Variants in MEIG1 observed in about 807,000 individuals in gnomAD.
MEIG1 encodes meiosis/spermiogenesis associated 1.
Under a neutral mutation model 11.3 loss-of-function variants are expected in MEIG1, and 12 were observed. That is an observed-to-expected ratio of 1.07 (90% CI 0.68 to 1.73). The LOEUF (loss-of-function observed/expected upper bound fraction) is 1.73. Among genes scored for constraint, MEIG1 ranks in the 40% most tolerant of loss-of-function variants. The pLI, the probability that MEIG1 is intolerant of heterozygous loss-of-function variation, is 0.00. For missense variants in MEIG1, 119 were observed against 104.9 expected, an observed-to-expected ratio of 1.13 and a Z score of -0.59; for synonymous variants, 41 against 33.2, an observed-to-expected ratio of 1.24 and a Z score of -0.81.
chr10:14,958,753 A>G (rs1336298922), upstream of MEIG1, among the ~76,000 whole-genome samples: 3 of 152,138 alleles, frequency 2.0e-5, no homozygotes, highest in African/African-American at 2.4e-5. Flanking sequence ...AAAATTAGCC[A>G]GGCGTGGTGG....
At chr10:14,976,330 G>C (rs1422760341), downstream of MEIG1, among the ~76,000 whole-genome samples, 7 of 151,342 alleles carry the variant, frequency 4.6e-5, no homozygotes, top group Admixed American at 3.3e-4. Context: ...TCACAGGACC[G>C]TACACACTGT....
chr10:14,982,148 C>T (rs1158131124), intron 1 of MEIG1, among the ~76,000 whole-genome samples: 1 of 152,146 alleles, frequency 6.6e-6, no homozygotes, highest in Non-Finnish European at 1.5e-5. Flanking sequence ...CTCACACAGT[C>T]TCTCGTATAA....
At chr10:14,979,726 T>C (rs1440787778) in intron 1 of MEIG1, among the ~76,000 whole-genome samples, 1 of 152,004 alleles carries the variant, frequency 6.6e-6, no homozygotes, top group African/African-American at 2.4e-5. Flanking sequence ...TGTACACCCC[T>C]TGATATTATT....
intron 2 of MEIG1, among the ~76,000 whole-genome samples, chr10:14,972,273 C>T (rs1246663667): frequency 6.6e-6 from 1 of 152,138 alleles, no homozygotes; most frequent in Non-Finnish European, 1.5e-5. Context: ...CCTCAGCCTC[C>T]CAGAGTGCTG....
chr10:14,961,146 A>G (rs898830085), intron 1 of MEIG1, among the ~76,000 whole-genome samples: 2 of 152,206 alleles, frequency 1.3e-5, no homozygotes, highest in African/African-American at 4.8e-5. Context: ...CCAACTTTAA[A>G]CGTCCTCAGA....
At chr10:14,958,622 C>T (rs931425899), upstream of MEIG1, among the ~76,000 whole-genome samples, 3 of 152,152 alleles carry the variant, frequency 2.0e-5, no homozygotes, top group South Asian at 2.1e-4. Flanking sequence ...ATTGGCCGGG[C>T]GCGGTGGCTC....
chr10:14,959,280 C>A (rs747870424), upstream of MEIG1, among the ~76,000 whole-genome samples: 1 of 152,250 alleles, frequency 6.6e-6, no homozygotes. Flanking sequence ...GGGCCGGCGC[C>A]CACCCCAGCC....
At chr10:14,960,343 G>T (rs1236641599) in intron 1 of MEIG1, among the ~76,000 whole-genome samples, 1 of 152,196 alleles carries the variant, frequency 6.6e-6, no homozygotes, top group Non-Finnish European at 1.5e-5. Context: ...AAGGGAATTT[G>T]GGTGGCTGGC....
rs1487903999 is a variant in MEIG1 at position 14,986,857 on chromosome 10, C to T, written n.128C>T. 6 of 415,490 alleles carry T rather than the reference C, an allele frequency of 1.4e-5. No homozygotes were observed. The East Asian group carries it at 2.1e-4, about 15-fold the overall frequency. The allele number at this position is 415,490 out of a possible 1,614,324, so 25.7% of individuals were successfully genotyped here. A position where few individuals can be genotyped will look rare whatever the true frequency, so the allele number is the denominator to read the frequency against. ...AACTCCTGGACTCAAGTGATCCCAG[C>T]GACTCAGCCTCCCAGAGTTGAGAAG... On this transcript the variant is annotated non_coding_transcript_exon_variant, in exon 2 of 3. Coordinates refer to the MEIG1 transcript ENST00000467536.
chr10:14,965,151 G>GA (rs1343910711), intron 1 of MEIG1, among the ~76,000 whole-genome samples: 5 of 151,820 alleles, frequency 3.3e-5, no homozygotes, highest in African/African-American at 7.3e-5. Flanking sequence ...TATTGTGATT[G>GA]AAAAAAATTC....
At chr10:14,973,782 A>AAAAG (rs1433131709), downstream of MEIG1, among the ~76,000 whole-genome samples, 10 of 151,440 alleles carry the variant, frequency 6.6e-5, no homozygotes, top group South Asian at 2.1e-4. Flanking sequence ...AAAAAAAAAA[A>AAAAG]AAAAGAAAAC....
Position 14,972,526 on chromosome 10 carries a change from C to T in MEIG1, c.152C>T (p.Pro51Leu), listed in dbSNP as rs148637904. 92 of 1,613,866 alleles carry T rather than the reference C, an allele frequency of 5.7e-5. No individual in the cohort carries two copies. In the African/African-American group the frequency reaches 7.6e-4, roughly 13 times the overall value. ...CTTGATGTGCAGGTAGATCGTTGGC[C>T]GGAGACAGGATATGTGAAGAAACTT... is the stretch of plus-strand genomic sequence containing the variant. ...VKQVSMVDRWPETGYVKKLQR... is the reference protein window; with the variant it reads ...VKQVSMVDRWLETGYVKKLQR... The change falls in exon 3 of 3, where the codon CCG becomes CTG. Residue 51 changes from proline (P) to leucine (L), a missense_variant. Physicochemically the swap from Pro to Leu is moderately conservative, Grantham distance 98. Coordinates refer to ENST00000407572, the MANE Select transcript of MEIG1 (RefSeq NM_001080836.3).
chr10:14,961,638 A>ATTTT lies in MEIG1; in HGVS notation c.-30+2099_-30+2102dup, dbSNP rs34536061. On this transcript the variant is annotated intron_variant, in intron 1 of 2. Coordinates refer to ENST00000407572, the MANE Select transcript of MEIG1 (RefSeq NM_001080836.3). The stretch of plus-strand genomic sequence containing the variant: ...AGGCAGCCGCCACCGCATCCGGCTA[A>ATTTT]TTTTTTTTTTTTTTTTTTTTTAGTA... 2.9e-4 allele frequency among the ~76,000 whole-genome samples: 22 copies of ATTTT among 76,610 alleles called. 2 individuals carry two copies. Among genetic ancestry groups the ATTTT allele is most frequent in the Admixed American group, 1.3e-3 (7 of 5,594 alleles). The allele number at this position is 76,610 out of a possible 152,430, so 50.3% of individuals were successfully genotyped here. A position where few individuals can be genotyped will look rare whatever the true frequency, so the allele number is the denominator to read the frequency against.
downstream of MEIG1, among the ~76,000 whole-genome samples, chr10:14,973,549 C>T (rs1171298502): frequency 6.6e-6 from 1 of 152,060 alleles, no homozygotes; most frequent in African/African-American, 2.4e-5. Context: ...GAGGGTGAAT[C>T]ATGAGGTCAG....
chr10:14,987,984 C>T (rs1435620053), exon 3 of MEIG1: 2 of 152,638 alleles, frequency 1.3e-5, no homozygotes, highest in Non-Finnish European at 2.9e-5. Flanking sequence ...TGTTACTTTT[C>T]ATATTTATTA....
upstream of MEIG1, among the ~76,000 whole-genome samples, chr10:14,958,080 AAG>A: frequency 6.6e-6 from 1 of 152,226 alleles, no homozygotes; most frequent in African/African-American, 2.4e-5. Context: ...AGAAGCTATA[AAG>A]TCAGCAGGTT....
chr10:14,966,652 A>G, intron 2 of MEIG1, 46 bp downstream of exon 2: 1 of 1,557,894 alleles, frequency 6.4e-7, no homozygotes, highest in Non-Finnish European at 8.7e-7. Flanking sequence ...TGTATTTCTC[A>G]GATGCTGAAA....
chr10:14,977,645 T>C (rs893094369), downstream of MEIG1, among the ~76,000 whole-genome samples: 1 of 152,042 alleles, frequency 6.6e-6, no homozygotes, highest in Non-Finnish European at 1.5e-5. Flanking sequence ...TAACTCCTAA[T>C]ATCACAGTGG....
At chr10:14,974,425 G>A (rs1843189071), downstream of MEIG1, among the ~76,000 whole-genome samples, 1 of 152,108 alleles carries the variant, frequency 6.6e-6, no homozygotes. Context: ...TTTCCCAGTT[G>A]AGAAGGTCGG....
Sources: allele counts gnomAD v4.1 joint callset (sites outside exome capture counted in the v4.1 genomes callset), GRCh38; gene constraint gnomAD v4.1.1; transcripts MANE v1.5; gene names NCBI Gene and HGNC (gene_info 2026-07-23, HGNC 2026-07-21).